TRIM40: variants seen among roughly 807,000 people sequenced by gnomAD.
TRIM40 encodes the protein E3 ubiquitin ligase TRIM40.
In TRIM40, 27 loss-of-function variants were observed where a neutral mutation model predicts 26.1. The ratio of observed to expected loss-of-function variants is 1.04; its 90% CI spans 0.76 to 1.43. TRIM40 has a LOEUF of 1.43. Among genes scored for constraint, TRIM40 ranks in the 40% most tolerant of loss-of-function variants. The pLI is 0.00. For missense variants in TRIM40, 289 were observed against 307.9 expected (o/e 0.94, Z 0.46); for synonymous variants, 114 against 120.0 (o/e 0.95, Z 0.33).
Position 30,148,132 on chromosome 6 carries a change from T to C in TRIM40, c.*320T>C. ...ATGGTAGTGCCCATCTCTCACAATC[T>C]CATTCAAATAGGATCCTCCAGGCCT... On this transcript the variant is annotated 3_prime_UTR_variant, in exon 6 of 6. Transcript: ENST00000396581. 2.2e-6 allele frequency: 1 copy of C among 451,894 alleles called. No individual in the cohort carries two copies. Among genetic ancestry groups the C allele is most frequent in the East Asian group, 3.6e-5 (1 of 27,402 alleles). 28.0% of individuals were successfully genotyped at this position (451,894 alleles called of 1,614,324 possible).
chr6:30,144,420 C>T (rs17188015), intron 2 of TRIM40, among the ~76,000 whole-genome samples: 21,030 of 152,046 alleles, frequency 0.14, 1,879 homozygotes, highest in East Asian at 0.32. Context: ...TTAGCTCTCA[C>T]TTGGAAGCAT....
At chr6:30,138,843 T>C (rs925329494) in intron 2 of TRIM40, among the ~76,000 whole-genome samples, 9 of 152,186 alleles carry the variant, frequency 5.9e-5, no homozygotes, top group Admixed American at 4.6e-4. Context: ...GAACATGTTA[T>C]GATACAGAAT....
At chr6:30,144,560 G>GA (rs1215532240) in intron 2 of TRIM40, among the ~76,000 whole-genome samples, 2 of 152,130 alleles carry the variant, frequency 1.3e-5, no homozygotes, top group African/African-American at 2.4e-5. Flanking sequence ...CCTTTTTACA[G>GA]AAAAAAATGA....
At chr6:30,141,075 A>T (rs1410853020) in intron 2 of TRIM40, among the ~76,000 whole-genome samples, 1 of 152,204 alleles carries the variant, frequency 6.6e-6, no homozygotes, top group Non-Finnish European at 1.5e-5. Flanking sequence ...TGAGCCCAGG[A>T]GTTCAAGACC....
intron 2 of TRIM40, among the ~76,000 whole-genome samples, chr6:30,142,972 A>G (rs560283508): frequency 6.6e-6 from 1 of 152,146 alleles, no homozygotes; most frequent in African/African-American, 2.4e-5. Flanking sequence ...TAATTTTATT[A>G]CCTGATATTT....
At chr6:30,138,584 T>C (rs1322827867) in intron 2 of TRIM40, among the ~76,000 whole-genome samples, 1 of 152,240 alleles carries the variant, frequency 6.6e-6, no homozygotes, top group African/African-American at 2.4e-5. Flanking sequence ...ATCCTTACCA[T>C]ATATTTTAAT....
In TRIM40 at chr6:30,146,089, G is replaced by C; in HGVS notation, c.441G>C (p.Gln147His). ...AGGAGAAGAAACTGCAGGCTCTGCAGGTGGGTTTTTCGGGTTCCTGGGAAG... is the reference window on the plus strand; with the variant it reads ...AGGAGAAGAAACTGCAGGCTCTGCACGTGGGTTTTTCGGGTTCCTGGGAAG... Reference protein sequence around the residue: ...AQQEKKLQALQFQVDHGNHRL... With the variant: ...AQQEKKLQALHFQVDHGNHRL... Residue 147 changes from glutamine to histidine, a missense_variant and splice_region_variant, in exon 3 of 6, where the codon CAG (glutamine) becomes CAC (histidine). Gln to His is a conservative substitution (Grantham distance 24, BLOSUM62 0). Coordinates refer to ENST00000396581, the MANE Select transcript of TRIM40 (RefSeq NM_001286633.2). The C allele has an allele frequency of 6.2e-7, 1 of 1,612,516 alleles. No homozygotes were observed.
chr6:30,144,685 A>G (rs1771543630), intron 2 of TRIM40, among the ~76,000 whole-genome samples: 1 of 152,094 alleles, frequency 6.6e-6, no homozygotes, highest in South Asian at 2.1e-4. Context: ...CTTTGGAGAG[A>G]GAGGCTTTAA....
chr6:30,146,530 G>C (rs2256146), intron 3 of TRIM40, among the ~76,000 whole-genome samples: 3,852 of 152,174 alleles, frequency 0.025, 52 homozygotes, highest in Admixed American at 0.044. Flanking sequence ...TCCTGCCTCA[G>C]CCTCCCGAGT....
rs145621180 is a variant in TRIM40, at chr6:30,142,256, T to C, written c.346-3738T>C. On this transcript the variant is annotated intron_variant, in intron 2 of 5. Coordinates refer to ENST00000396581, the MANE Select transcript of TRIM40 (RefSeq NM_001286633.2). ...TTTATAAAATCTACAAATTCTTATT[T>C]GTATACCTGTTTCCTCACTGACCAG... Among the ~76,000 whole-genome samples, 1,316 of 152,360 alleles carry C rather than the reference T, an allele frequency of 8.6e-3. 8 individuals are homozygous for C. Among genetic ancestry groups the C allele is most frequent in the Middle Eastern group, 0.027 (8 of 294 alleles).
intron 2 of TRIM40, 73 bp downstream of exon 2, chr6:30,137,454 C>G: frequency 7.6e-7 from 1 of 1,316,538 alleles, no homozygotes; most frequent in East Asian, 2.3e-5. Flanking sequence ...GTTCATCATG[C>G]CTGGCACCTC....
intron 2 of TRIM40, among the ~76,000 whole-genome samples, chr6:30,143,910 C>T (rs1331370952): frequency 6.6e-6 from 1 of 152,070 alleles, no homozygotes; most frequent in East Asian, 1.9e-4. Flanking sequence ...TACACAGTGT[C>T]TGTAGTTGGC....
At chr6:30,138,411 T>A (rs1469855104) in intron 2 of TRIM40, among the ~76,000 whole-genome samples, 2 of 152,240 alleles carry the variant, frequency 1.3e-5, no homozygotes, top group Non-Finnish European at 2.9e-5. Flanking sequence ...AATCAATTTG[T>A]CCTATCACCA....
intron 2 of TRIM40, among the ~76,000 whole-genome samples, chr6:30,144,493 G>A (rs1771533177): frequency 6.6e-6 from 1 of 152,190 alleles, no homozygotes. Flanking sequence ...GCTCCAGAAA[G>A]GAAAGCTAAG....
At chr6:30,139,339 CTTTTTTTTTTTTT>C (rs9278591) in intron 2 of TRIM40, among the ~76,000 whole-genome samples, 2 of 77,872 alleles carry the variant, frequency 2.6e-5, no homozygotes, top group Admixed American at 1.4e-4. Flanking sequence ...ACTTTTTTTT[CTTTTTTTTTTTTT>C]TTTTTTTTTG....
At chr6:30,146,118 TC>T (rs1343512706) in intron 3 of TRIM40, 29 bp downstream of exon 3, 9 of 1,566,030 alleles carry the variant, frequency 5.7e-6, no homozygotes, top group Non-Finnish European at 7.9e-6. Flanking sequence ...TGGGAAGGAC[TC>T]CCTGGAGTGT....
chr6:30,144,686 G>A (rs1265499558), intron 2 of TRIM40, among the ~76,000 whole-genome samples: 1 of 152,154 alleles, frequency 6.6e-6, no homozygotes, highest in Non-Finnish European at 1.5e-5. Flanking sequence ...TTTGGAGAGA[G>A]AGGCTTTAAA....
chr6:30,145,911 C>T, intron 2 of TRIM40, 83 bp from the exon 3 acceptor site: 4 of 1,002,918 alleles, frequency 4.0e-6, no homozygotes, highest in South Asian at 2.6e-5. Context: ...TGGGATCAGG[C>T]CCCCTACCGT....
chr6:30,145,056 T>G (rs557904054), intron 2 of TRIM40, among the ~76,000 whole-genome samples: 2 of 152,288 alleles, frequency 1.3e-5, no homozygotes, highest in African/African-American at 4.8e-5. Context: ...CAGCTTTCTG[T>G]TCACCAAATG....
Sources: allele counts gnomAD v4.1 joint callset (sites outside exome capture counted in the v4.1 genomes callset), GRCh38; gene constraint gnomAD v4.1.1; transcripts MANE v1.5; gene names NCBI Gene and HGNC (gene_info 2026-07-23, HGNC 2026-07-21).